The following SYNE1 variants were observed in gnomAD, a reference collection of about 807,000 sequenced individuals.
SYNE1 encodes spectrin repeat containing nuclear envelope protein 1, also known as nesprin-1.
Under a neutral mutation model 1,111.0 loss-of-function variants are expected in SYNE1, and 616 were observed. The ratio of observed to expected loss-of-function variants is 0.55; its 90% CI spans 0.52 to 0.59. SYNE1 has a LOEUF of 0.59. Ranked by LOEUF, SYNE1 falls within the 20% of genes least tolerant of loss-of-function variation. The probability of loss-of-function intolerance (pLI) is 0.00; values close to 1 mark genes in which losing one functional copy is unlikely to be tolerated. For missense variants in SYNE1, 10,006 were observed against 10,417.0 expected (o/e 0.96, Z 1.72); for synonymous variants, 3,855 against 3,825.8 (o/e 1.01, Z -0.28).
intron 116 of SYNE1, among the ~76,000 whole-genome samples, chr6:152,225,280 A>AAC (rs57426642): frequency 0.011 from 1,655 of 147,076 alleles, 16 homozygotes; most frequent in African/African-American, 0.022. Flanking sequence ...CATATGCGCA[A>AAC]ACACACACAC....
chr6:152,477,519 G>T (rs1289827155), intron 14 of SYNE1, among the ~76,000 whole-genome samples: 1 of 152,166 alleles, frequency 6.6e-6, no homozygotes, highest in Non-Finnish European at 1.5e-5. Flanking sequence ...TTGCCTGTTT[G>T]ATGTCATCTT....
chr6:152,302,372 T>C, intron 91 of SYNE1: 1 of 472,268 alleles, frequency 2.1e-6, no homozygotes, highest in South Asian at 2.1e-5. Flanking sequence ...ATCATGAACT[T>C]CCGCAACATT....
Position 152,231,580 on chromosome 6 carries a change from A to G in SYNE1, c.20863-13T>C. The G allele has an allele frequency of 6.2e-7, 1 of 1,612,480 alleles. No homozygotes were observed. Among genetic ancestry groups the G allele is most frequent in the Non-Finnish European group, 8.5e-7 (1 of 1,178,704 alleles). On this transcript the variant is annotated splice_polypyrimidine_tract_variant and intron_variant, in intron 113 of 145. Coordinates refer to ENST00000367255, the MANE Select transcript of SYNE1 (RefSeq NM_182961.4). ...CTATCTTAAAACCCTAAAAAAAAAG[A>G]GGAGAAAATAAGATTATACAATAAA...
intron 140 of SYNE1, among the ~76,000 whole-genome samples, chr6:152,138,981 A>C (rs567130088): frequency 6.6e-6 from 1 of 152,120 alleles, no homozygotes; most frequent in Non-Finnish European, 1.5e-5. Context: ...TTCTACCACT[A>C]CTGTAATCAA....
intron 135 of SYNE1, among the ~76,000 whole-genome samples, chr6:152,151,127 C>A (rs1448315310): frequency 6.6e-6 from 1 of 151,746 alleles, no homozygotes; most frequent in South Asian, 2.1e-4. Context: ...CAGGCTGAGG[C>A]AGGAGAATTG....
chr6:152,236,765 T>C lies in SYNE1; in HGVS notation c.20199+52A>G, dbSNP rs1402413153. The C allele has an allele frequency of 2.5e-6, 4 of 1,610,146 alleles. No homozygotes were observed. The Admixed American group carries it at 6.7e-5, about 27-fold the overall frequency. On this transcript the variant is annotated intron_variant, in intron 109 of 145. Transcript: ENST00000367255. ...TGATCACAAGTTTGTTTACATTCTG[T>C]TAAAACTATTGGTAAGTTTCTAAAG...
At chr6:152,369,690 A>G in intron 59 of SYNE1, 76 bp from the exon 60 acceptor site, 1 of 1,563,896 alleles carries the variant, frequency 6.4e-7, no homozygotes, top group South Asian at 1.1e-5. Flanking sequence ...TTGGCATTCA[A>G]AGTCCACCCA....
chr6:152,490,770 G>T (rs2098966064), intron 11 of SYNE1, among the ~76,000 whole-genome samples: 1 of 152,110 alleles, frequency 6.6e-6, no homozygotes, highest in South Asian at 2.1e-4. Flanking sequence ...CTGGGACAGG[G>T]GGATTCCTTC....
chr6:152,380,521 A>G (rs938824777), intron 56 of SYNE1: 3 of 163,226 alleles, frequency 1.8e-5, no homozygotes, highest in African/African-American at 7.2e-5. Context: ...TAATTCAAGA[A>G]CAGCTGTCAA....
Position 152,449,524 on chromosome 6 carries a change from T to C in SYNE1, c.3504+9A>G, listed in dbSNP as rs1342906428. 1 of 1,606,778 alleles carries C rather than the reference T, an allele frequency of 6.2e-7. No individual in the cohort carries two copies. The highest frequency in any genetic ancestry group is 1.7e-5 in the Admixed American group (1 of 60,014). On this transcript the variant is annotated intron_variant, in intron 28 of 145. Coordinates refer to ENST00000367255, the MANE Select transcript of SYNE1 (RefSeq NM_182961.4). ...ATTTTCCTCTAGCAAATAATGACCC[T>C]GAACTTACTTCAACGGCACGTTTAA...
In SYNE1 at chr6:152,339,270, C is replaced by T. The variant is rs372489656; in HGVS notation, c.12322G>A (p.Ala4108Thr). ...DLSNASVKTT[A>T]KDIQQTEQTI... ...TGCTCTGTTTGTTGAATGTCTTTTG[C>T]TGTGGTTTTCACCGAAGCATTTGAC... Residue 4108 changes from alanine (A) to threonine (T), a missense_variant, in exon 75 of 146, where the codon GCA (alanine) becomes ACA (threonine). By Grantham distance (58) the Ala-to-Thr change is moderately conservative (BLOSUM62 0). Coordinates refer to ENST00000367255, the MANE Select transcript of SYNE1 (RefSeq NM_182961.4). 2.5e-5 allele frequency: 41 copies of T among 1,613,804 alleles called. No individual in the cohort carries two copies. The highest frequency in any genetic ancestry group is 3.3e-5 in the Non-Finnish European group (39 of 1,179,862).
chr6:152,443,803 G>T (rs2098553553), intron 30 of SYNE1, among the ~76,000 whole-genome samples: 2 of 152,038 alleles, frequency 1.3e-5, no homozygotes, highest in Admixed American at 6.6e-5. Flanking sequence ...GTTTAACAAG[G>T]TATATATTCC....
intron 12 of SYNE1, among the ~76,000 whole-genome samples, chr6:152,485,971 C>T (rs569272553): frequency 5.9e-5 from 9 of 151,916 alleles, no homozygotes; most frequent in African/African-American, 1.9e-4. Context: ...TCGAGGCGGG[C>T]GGATCATGAG....
chr6:152,461,813 C>T, intron 20 of SYNE1, 73 bp from the exon 21 acceptor site: 3 of 1,601,086 alleles, frequency 1.9e-6, no homozygotes, highest in South Asian at 2.2e-5. Flanking sequence ...CCACAGAAGG[C>T]AGAACAAAAA....
At chr6:152,275,343 A>G (rs1266360610) in intron 98 of SYNE1, among the ~76,000 whole-genome samples, 1 of 152,082 alleles carries the variant, frequency 6.6e-6, no homozygotes, top group African/African-American at 2.4e-5. Flanking sequence ...GAAATCTTTG[A>G]TCCACCTGTG....
In SYNE1 at chr6:152,249,147, G is replaced by C; in HGVS notation, c.19572+14C>G. ...TATGCATTTTCTCTTCTAGGAAAAGGCAGCTATAAATACCTCTATTTGTTC... is the reference window on the plus strand; with the variant it reads ...TATGCATTTTCTCTTCTAGGAAAAGCCAGCTATAAATACCTCTATTTGTTC... On this transcript the variant is annotated intron_variant, in intron 105 of 145. Transcript: ENST00000367255. The C allele has an allele frequency of 6.5e-7, 1 of 1,545,620 alleles. No individual in the cohort carries two copies. The highest frequency in any genetic ancestry group is 8.9e-7 in the Non-Finnish European group (1 of 1,117,772).
intron 3 of SYNE1, among the ~76,000 whole-genome samples, chr6:152,625,718 G>T (rs934270580): frequency 1.3e-5 from 2 of 152,112 alleles, no homozygotes; most frequent in African/African-American, 4.8e-5. Flanking sequence ...GTTTTATACA[G>T]CACAGAGTGT....
At chr6:152,460,642 A>G (rs533861841) in intron 21 of SYNE1, among the ~76,000 whole-genome samples, 1 of 152,210 alleles carries the variant, frequency 6.6e-6, no homozygotes, top group Non-Finnish European at 1.5e-5. Context: ...TTTGCAAACA[A>G]TACCATCTTC....
Position 152,122,217 on chromosome 6 carries a change from A to T in SYNE1, c.*219T>A, listed in dbSNP as rs187797596. 1.0e-4 allele frequency: 70 copies of T among 697,254 alleles called. No individual in the cohort carries two copies. The East Asian group carries it at 1.9e-3, about 19-fold the overall frequency. 43.2% of individuals were successfully genotyped at this position (697,254 alleles called of 1,614,324 possible). On this transcript the variant is annotated 3_prime_UTR_variant, in exon 146 of 146. Transcript: ENST00000367255. ...GCTAAGGTTCAGAGTCTCAAACCAG[A>T]TTTCTTCCAAACCTTCTTGTTGTCT...
Sources: allele counts gnomAD v4.1 joint callset (sites outside exome capture counted in the v4.1 genomes callset), GRCh38; gene constraint gnomAD v4.1.1; transcripts MANE v1.5; gene names NCBI Gene and HGNC (gene_info 2026-07-23, HGNC 2026-07-21).